The following KRIT1 variants were observed in gnomAD, a reference collection of about 807,000 sequenced individuals.
KRIT1 encodes the protein krev interaction trapped protein 1.
KRIT1 carries 45 observed loss-of-function variants against 95.8 expected under a neutral mutation model. The ratio of observed to expected loss-of-function variants is 0.47; its 90% CI spans 0.37 to 0.60. The LOEUF (loss-of-function observed/expected upper bound fraction) is 0.60, where lower values mean the gene tolerates loss of function less well. Among genes scored for constraint, KRIT1 ranks in the 20% least tolerant of loss-of-function variants. The pLI is 0.00. For missense variants in KRIT1, 788 were observed against 877.5 expected, an observed-to-expected ratio of 0.90 and a Z score of 1.29; for synonymous variants, 282 against 278.8, an observed-to-expected ratio of 1.01 and a Z score of -0.11.
intron 10 of KRIT1, 114 bp downstream of exon 10, chr7:92,234,335 G>A: frequency 1.2e-6 from 1 of 856,424 alleles, no homozygotes. Flanking sequence ...AACTCCTAAG[G>A]CAAACAGGTA....
At chr7:92,200,928 AAG>A in intron 18 of KRIT1, 124 bp from the exon 19 acceptor site, 1 of 730,974 alleles carries the variant, frequency 1.4e-6, no homozygotes. Flanking sequence ...ACAGCTTGTT[AAG>A]AGAGAGTATA....
intron 17 of KRIT1, among the ~76,000 whole-genome samples, chr7:92,208,396 G>A (rs1183427470): frequency 6.6e-6 from 1 of 151,190 alleles, no homozygotes; most frequent in East Asian, 1.9e-4. Context: ...AAAGAAAAAA[G>A]AAAAAAATTA....
chr7:92,210,081 T>C (rs965652654), intron 17 of KRIT1, among the ~76,000 whole-genome samples: 3 of 151,672 alleles, frequency 2.0e-5, no homozygotes, highest in Admixed American at 6.6e-5. Flanking sequence ...TCAAAATCAA[T>C]CAATCAATCA....
rs1327383758 is a variant in KRIT1, at chr7:92,235,459, C to T, written c.673G>A (p.Ala225Thr). 8.7e-6 allele frequency: 14 copies of T among 1,613,530 alleles called. No homozygotes were observed. Among genetic ancestry groups the T allele is most frequent in the Non-Finnish European group, 1.0e-5 (12 of 1,179,592 alleles). ...IKSKMLALEK[A>T]DTCIYNPLFG... ...AAAGGGTTGTAAATACAGGTATCTG[C>T]TTTCTCTAGGGCTAACATTTTACTC... is the stretch of plus-strand genomic sequence containing the variant. Residue 225 changes from alanine to threonine, a missense_variant, in exon 8 of 19, where the codon GCA becomes ACA. Physicochemically the swap from Ala to Thr is moderately conservative, Grantham distance 58. Coordinates refer to ENST00000394505, the MANE Select transcript of KRIT1 (RefSeq NM_194454.3).
chr7:92,236,801 T>C (rs1283558654), intron 6 of KRIT1, among the ~76,000 whole-genome samples: 2 of 152,140 alleles, frequency 1.3e-5, no homozygotes, highest in Admixed American at 1.3e-4. Flanking sequence ...TAAAACTCAT[T>C]AATAAGATTT....
intron 3 of KRIT1, among the ~76,000 whole-genome samples, chr7:92,242,902 C>T (rs1455531088): frequency 6.6e-6 from 1 of 152,164 alleles, no homozygotes; most frequent in Non-Finnish European, 1.5e-5. Flanking sequence ...CAACCCTCGC[C>T]TCCCGGGTTC....
chr7:92,235,298 C>A (rs1182873013), intron 8 of KRIT1, 105 bp downstream of exon 8: 13 of 1,156,596 alleles, frequency 1.1e-5, no homozygotes, highest in Admixed American at 1.8e-5. Context: ...CTGTACCAGG[C>A]CTTCATGTTT....
chr7:92,233,588 G>C (rs561011869), intron 10 of KRIT1, among the ~76,000 whole-genome samples: 56 of 151,954 alleles, frequency 3.7e-4, no homozygotes, highest in African/African-American at 1.3e-3. Context: ...TGTATTTTTA[G>C]TGGAGACGGG....
At chr7:92,223,344 C>T (rs1028199982) in intron 12 of KRIT1, among the ~76,000 whole-genome samples, 4 of 147,890 alleles carry the variant, frequency 2.7e-5, no homozygotes, top group African/African-American at 1.0e-4. Flanking sequence ...ACTAAGGAGG[C>T]TGAGGCGTGA....
chr7:92,235,800 A>T (rs975898334), intron 7 of KRIT1, 154 bp from the exon 8 acceptor site: 5 of 675,696 alleles, frequency 7.4e-6, no homozygotes, highest in East Asian at 6.1e-5. Flanking sequence ...TATTATTTTT[A>T]AAATTTATTT....
chr7:92,233,788 T>C (rs1025060697), intron 10 of KRIT1, among the ~76,000 whole-genome samples: 7 of 152,190 alleles, frequency 4.6e-5, no homozygotes, highest in African/African-American at 1.4e-4. Flanking sequence ...TAAAAAACTT[T>C]ATTATATCCT....
At chr7:92,219,918 G>C (rs1794781749) in intron 14 of KRIT1, among the ~76,000 whole-genome samples, 1 of 152,042 alleles carries the variant, frequency 6.6e-6, no homozygotes, top group African/African-American at 2.4e-5. Context: ...TCTCTTTCTT[G>C]TATTATTCTT....
chr7:92,225,391 T>G (rs1397706532), intron 12 of KRIT1, among the ~76,000 whole-genome samples: 1 of 152,016 alleles, frequency 6.6e-6, no homozygotes, highest in East Asian at 1.9e-4. Context: ...CACTGCAACC[T>G]CCACCTCCTG....
At chr7:92,240,847 C>T in intron 5 of KRIT1, 146 bp downstream of exon 5, 1 of 692,724 alleles carries the variant, frequency 1.4e-6, no homozygotes, top group Non-Finnish European at 2.5e-6. Context: ...CTTGGGTGTA[C>T]CTTAAAAAAC....
chr7:92,225,820 G>C lies in KRIT1; in HGVS notation c.1154C>G (p.Thr385Arg). 1 of 1,575,202 alleles carries C rather than the reference G, an allele frequency of 6.3e-7. No individual in the cohort carries two copies. Among genetic ancestry groups the C allele is most frequent in the African/African-American group, 1.3e-5 (1 of 74,178 alleles). ...TAATGGAGATCTTCCTTGTTGGTCTGTTATATGCTAGAAATGTGGGTGGGG... is the reference window on the plus strand; with the variant it reads ...TAATGGAGATCTTCCTTGTTGGTCTCTTATATGCTAGAAATGTGGGTGGGG... ...LNHPETDRHI[T>R]DQQGRSPLNI... is the part of the protein sequence containing the mutation. Residue 385 changes from threonine to arginine, a missense_variant, in exon 12 of 19, where the codon ACA becomes AGA. Coordinates refer to ENST00000394505, the MANE Select transcript of KRIT1 (RefSeq NM_194454.3).
intron 17 of KRIT1, chr7:92,202,174 T>G (rs1305309313): frequency 6.6e-6 from 1 of 152,232 alleles, no homozygotes; most frequent in African/African-American, 2.4e-5. Context: ...CTGATATATT[T>G]ATTATAAAAG....
chr7:92,234,735 T>A, intron 9 of KRIT1, 73 bp downstream of exon 9: 1 of 1,150,052 alleles, frequency 8.7e-7, no homozygotes, highest in South Asian at 1.2e-5. Context: ...ATTGCATATA[T>A]AATTTTAAAC....
chr7:92,213,751 A>G (rs1462352575), intron 16 of KRIT1, 141 bp downstream of exon 16: 2 of 651,054 alleles, frequency 3.1e-6, no homozygotes, highest in Non-Finnish European at 5.5e-6. Context: ...GCTACTTTCA[A>G]TTTCAAGCAT....
At chr7:92,225,534 C>T (rs915194099) in intron 12 of KRIT1, among the ~76,000 whole-genome samples, 186 bp downstream of exon 12, 3 of 152,132 alleles carry the variant, frequency 2.0e-5, no homozygotes, top group Non-Finnish European at 4.4e-5. Flanking sequence ...ACCTTGTGAT[C>T]TGCCTGCCTC....
Sources: allele counts gnomAD v4.1 joint callset (sites outside exome capture counted in the v4.1 genomes callset), GRCh38; gene constraint gnomAD v4.1.1; transcripts MANE v1.5; gene names NCBI Gene and HGNC (gene_info 2026-07-23, HGNC 2026-07-21).